The following DPP6 variants were observed in gnomAD, a reference collection of about 807,000 sequenced individuals.
DPP6 encodes the protein A-type potassium channel modulatory protein DPP6.
Under a neutral mutation model 122.6 loss-of-function variants are expected in DPP6, and 69 were observed. The observed-to-expected ratio is 0.56, with a 90% CI of 0.46 to 0.69. The LOEUF (loss-of-function observed/expected upper bound fraction) is 0.69. Ranked by LOEUF, DPP6 falls within the 30% of genes least tolerant of loss-of-function variation. DPP6 has a pLI of 0.00. For missense variants in DPP6, 928 were observed against 1,116.9 expected, an observed-to-expected ratio of 0.83 and a Z score of 2.41; for synonymous variants, 418 against 433.1, an observed-to-expected ratio of 0.97 and a Z score of 0.43.
intron 7 of DPP6, among the ~76,000 whole-genome samples, chr7:154,714,103 C>T (rs984128508): frequency 6.6e-6 from 1 of 152,214 alleles, no homozygotes; most frequent in African/African-American, 2.4e-5. Flanking sequence ...AGTTCCTTAT[C>T]TTCATCTGAG....
At chr7:154,174,593 G>T (rs1022286736) in intron 1 of DPP6, among the ~76,000 whole-genome samples, 2 of 152,208 alleles carry the variant, frequency 1.3e-5, no homozygotes, top group African/African-American at 2.4e-5. Flanking sequence ...TCACAGACCT[G>T]CCTGGAAAGG....
chr7:154,754,363 T>A (rs1208197895), intron 8 of DPP6, among the ~76,000 whole-genome samples: 4 of 152,236 alleles, frequency 2.6e-5, no homozygotes, highest in Admixed American at 1.3e-4. Flanking sequence ...AAGGTCAGCA[T>A]TTTTTAAAAC....
exon 1 of DPP6, chr7:153,887,706 A>T (rs1441156304): frequency 6.2e-7 from 1 of 1,613,806 alleles, no homozygotes; most frequent in Non-Finnish European, 8.5e-7. Flanking sequence ...GCCATGATCA[A>T]GACCGCTAAG....
chr7:154,409,557 G>A (rs1012793975), intron 1 of DPP6, among the ~76,000 whole-genome samples: 4 of 152,112 alleles, frequency 2.6e-5, no homozygotes, highest in South Asian at 4.1e-4. Flanking sequence ...TGTTTATATC[G>A]TGGCTCAAAT....
chr7:153,759,915 GTCTCTC>G, the DPP6 span, among the ~76,000 whole-genome samples: 14 of 128,082 alleles, frequency 1.1e-4, no homozygotes, highest in African/African-American at 3.6e-4. Context: ...CTCTGTTTCT[GTCTCTC>G]TCTCTCTCTC....
At chr7:154,256,998 C>CTTTTTTTTTTT (rs66710949) in intron 1 of DPP6, among the ~76,000 whole-genome samples, 10 of 132,856 alleles carry the variant, frequency 7.5e-5, no homozygotes, top group Non-Finnish European at 1.6e-4. Flanking sequence ...TCTTCTTCTT[C>CTTTTTTTTTTT]TTTTTTTTTT....
In DPP6 at chr7:154,127,463, TG is replaced by T. The variant is rs1357075079; in HGVS notation, c.243+74402del. On this transcript the variant is annotated intron_variant, in intron 1 of 25. Coordinates refer to ENST00000377770, the MANE Select transcript of DPP6 (RefSeq NM_130797.4). ...CCCTCATGCACGGCCCTCACTAACT[TG>T]GAGCTGAGCTGCTTGCTGTACACGA... 2.0e-5 allele frequency among the ~76,000 whole-genome samples: 3 copies of T among 152,108 alleles called. No individual in the cohort carries two copies. The East Asian group carries it at 5.8e-4, about 29-fold the overall frequency.
At chr7:154,495,501 T>G (rs1433136180) in intron 3 of DPP6, among the ~76,000 whole-genome samples, 1 of 151,822 alleles carries the variant, frequency 6.6e-6, no homozygotes. Flanking sequence ...ACAATTCTCA[T>G]GCCTCAGCCT....
At chr7:154,020,465 T>C (rs1289361009) in intron 1 of DPP6, among the ~76,000 whole-genome samples, 1 of 151,806 alleles carries the variant, frequency 6.6e-6, no homozygotes, top group Non-Finnish European at 1.5e-5. Context: ...CATTAAAAGA[T>C]TAGCCTAGAG....
At position 154,068,516 on chromosome 7, in the gene DPP6, C is replaced by T. The variant is rs1430766823; in HGVS notation, c.243+15453C>T. Among the ~76,000 whole-genome samples, 13 of 115,042 alleles carry T rather than the reference C, an allele frequency of 1.1e-4. 2 individuals carry two copies. Among genetic ancestry groups the T allele is most frequent in the South Asian group, 3.2e-4 (1 of 3,150 alleles). 75.5% of individuals were successfully genotyped at this position (115,042 alleles called of 152,430 possible). On this transcript the variant is annotated intron_variant, in intron 1 of 25. Transcript: ENST00000377770. The stretch of plus-strand genomic sequence containing the variant: ...GAATTGGGAAAGGGCCCAGTGGCCC[C>T]GGCCTTGGAGGGCAGCTGGTGTCTG...
intron 11 of DPP6, among the ~76,000 whole-genome samples, chr7:154,795,309 GT>G (rs1797976498): frequency 1.3e-5 from 2 of 152,192 alleles, no homozygotes; most frequent in African/African-American, 2.4e-5. Context: ...CACAGCTTGA[GT>G]TTGGTGTCTG....
rs199958650 is a variant in DPP6 at position 154,803,936 on chromosome 7, G to A, written c.1480G>A (p.Asp494Asn). Reference protein sequence around the residue: ...DWDVTKILAYDEKGNKIYFLS... With the variant: ...DWDVTKILAYNEKGNKIYFLS... ...GGACGTGACCAAGATCCTAGCCTAC[G>A]ATGAGAAGGGGAATAAGATGTGAGT... The change falls in exon 14 of 26, where the codon GAT (aspartate) becomes AAT (asparagine). Residue 494 changes from aspartate (D) to asparagine (N), a missense_variant. Asp to Asn is a conservative substitution (Grantham distance 23, BLOSUM62 1). Transcript: ENST00000377770. 5 of 1,613,680 alleles carry A rather than the reference G, an allele frequency of 3.1e-6. No homozygotes were observed. The highest frequency in any genetic ancestry group is 4.5e-5 in the East Asian group (2 of 44,890).
At chr7:154,641,986 C>G (rs1341950353) in intron 6 of DPP6, among the ~76,000 whole-genome samples, 1 of 152,158 alleles carries the variant, frequency 6.6e-6, no homozygotes, top group Non-Finnish European at 1.5e-5. Flanking sequence ...TTGTAGTTGA[C>G]TTTTTAAAGC....
intron 3 of DPP6, among the ~76,000 whole-genome samples, chr7:154,523,563 T>C (rs1234956531): frequency 6.6e-6 from 1 of 152,250 alleles, no homozygotes; most frequent in Non-Finnish European, 1.5e-5. Context: ...CAAAATATTT[T>C]CTGTAGCTTT....
At chr7:153,964,939 TTTTTCTTTCTTTCTC>T (rs1795595272) in intron 1 of DPP6, among the ~76,000 whole-genome samples, 1 of 110,786 alleles carries the variant, frequency 9.0e-6, no homozygotes, top group African/African-American at 4.2e-5. Flanking sequence ...TCTTTCTTTC[TTTTTCTTTCTTTCTC>T]TCTTTCTTTC....
chr7:154,283,902 C>T (rs80138697), intron 1 of DPP6, among the ~76,000 whole-genome samples: 4,293 of 152,278 alleles, frequency 0.028, 198 homozygotes, highest in African/African-American at 0.098. Flanking sequence ...CATTTCAGGG[C>T]TCTTTGCAGA....
intron 5 of DPP6, among the ~76,000 whole-genome samples, chr7:154,597,990 C>A (rs919938822): frequency 2.0e-5 from 3 of 152,144 alleles, no homozygotes; most frequent in African/African-American, 7.2e-5. Flanking sequence ...AACTTGATCA[C>A]CCCTGCAAAG....
chr7:153,863,631 C>T, the DPP6 span, among the ~76,000 whole-genome samples: 1 of 152,006 alleles, frequency 6.6e-6, no homozygotes, highest in Non-Finnish European at 1.5e-5. Context: ...TTTTAGTATG[C>T]TTACAGAATT....
the DPP6 span, among the ~76,000 whole-genome samples, chr7:153,789,248 A>G: frequency 6.6e-6 from 1 of 152,310 alleles, no homozygotes; most frequent in Admixed American, 6.5e-5. Flanking sequence ...TCTCATAATC[A>G]ATGTTATCTT....
Sources: allele counts gnomAD v4.1 joint callset (sites outside exome capture counted in the v4.1 genomes callset), GRCh38; gene constraint gnomAD v4.1.1; transcripts MANE v1.5; gene names NCBI Gene and HGNC (gene_info 2026-07-23, HGNC 2026-07-21).